The following BMP2K variants were observed in gnomAD, a reference collection of about 807,000 sequenced individuals.
The protein encoded by BMP2K is BMP-2-inducible protein kinase.
BMP2K carries 74 observed loss-of-function variants against 116.0 expected under a neutral mutation model. The ratio of observed to expected loss-of-function variants is 0.64; its 90% CI spans 0.53 to 0.77. The LOEUF is 0.77. BMP2K is among the 30% of genes least tolerant of loss of function. The pLI, the probability that BMP2K is intolerant of heterozygous loss-of-function variation, is 0.00. For synonymous variants in BMP2K, 486 were observed against 502.5 expected, an observed-to-expected ratio of 0.97 and a Z score of 0.44; for missense variants, 1,365 against 1,403.6, an observed-to-expected ratio of 0.97 and a Z score of 0.44.
At chr4:78,869,877 T>G (rs1560537366) in intron 10 of BMP2K, among the ~76,000 whole-genome samples, 1 of 152,194 alleles carries the variant, frequency 6.6e-6, no homozygotes, top group Admixed American at 6.5e-5. Flanking sequence ...GTTATAAAAC[T>G]ATTTTCATAA....
chr4:78,851,131 TAAATC>T (rs1449580027), intron 7 of BMP2K, 75 bp downstream of exon 7: 14 of 1,311,304 alleles, frequency 1.1e-5, no homozygotes, highest in Non-Finnish European at 1.3e-5. Context: ...TTCCTTTACT[TAAATC>T]TAGTCTTAAT....
In BMP2K at chr4:78,911,102, A is replaced by G. The variant is rs1734570954; in HGVS notation, c.2555A>G (p.Lys852Arg). The change falls in exon 16 of 16, where the codon AAA becomes AGA. Residue 852 changes from lysine to arginine, a missense_variant. Coordinates refer to ENST00000502613, the MANE Select transcript of BMP2K (RefSeq NM_198892.2). ...TCTGATGTTGCAGTGGAGACTCCCA[A>G]ACAGGAGTTTGATGTATTTGGCGCT... ...LSSDVAVETP[K>R]QEFDVFGAVP... The G allele has an allele frequency of 6.2e-7, 1 of 1,613,902 alleles. No homozygotes were observed. Among genetic ancestry groups the G allele is most frequent in the Admixed American group, 1.7e-5 (1 of 60,008 alleles).
intron 15 of BMP2K, among the ~76,000 whole-genome samples, chr4:78,893,781 T>C (rs1733564053): frequency 6.6e-6 from 1 of 152,148 alleles, no homozygotes; most frequent in Non-Finnish European, 1.5e-5. Context: ...CCCAGGTTCG[T>C]CTTGAACTCC....
In BMP2K at chr4:78,786,170, G is replaced by A. The variant is rs138070222; in HGVS notation, c.178+9449G>A. ...AACGCCCAAGGTGATGCTATTTAGT[G>A]ATGGGGCCCTTGGGAAATGATTGGG... On this transcript the variant is annotated intron_variant, in intron 1 of 15. Transcript: ENST00000502613. Among the ~76,000 whole-genome samples the A allele has an allele frequency of 3.4e-4, 51 of 152,234 alleles. No individual in the cohort carries two copies. The South Asian group carries it at 7.1e-3, about 21-fold the overall frequency.
At chr4:78,842,243 A>G in intron 3 of BMP2K, 142 bp from the exon 4 acceptor site, 1 of 589,182 alleles carries the variant, frequency 1.7e-6, no homozygotes, top group Non-Finnish European at 2.9e-6. Context: ...TTAATACAGT[A>G]TGATGTAATA....
intron 7 of BMP2K, among the ~76,000 whole-genome samples, chr4:78,856,918 G>GA (rs1025344604): frequency 3.9e-5 from 6 of 152,166 alleles, no homozygotes; most frequent in Middle Eastern, 3.4e-3. Context: ...TTGATGGGTG[G>GA]AGGTGCTTCA....
chr4:78,884,955 T>A (rs967240723), intron 14 of BMP2K, among the ~76,000 whole-genome samples: 5 of 152,212 alleles, frequency 3.3e-5, no homozygotes, highest in African/African-American at 1.2e-4. Flanking sequence ...TAAAAAGTTT[T>A]TAGTAAAATG....
chr4:78,852,388 A>G (rs1001399579), intron 7 of BMP2K, among the ~76,000 whole-genome samples: 2 of 152,106 alleles, frequency 1.3e-5, no homozygotes, highest in Non-Finnish European at 2.9e-5. Context: ...AGCTAGGCAA[A>G]AATAACAAAA....
chr4:78,883,980 G>A (rs1327681254), intron 14 of BMP2K, among the ~76,000 whole-genome samples: 1 of 152,158 alleles, frequency 6.6e-6, no homozygotes, highest in East Asian at 1.9e-4. Flanking sequence ...GGGAGGCAGA[G>A]GTTGCAGTGA....
intron 1 of BMP2K, among the ~76,000 whole-genome samples, chr4:78,779,259 A>G (rs1195148306): frequency 6.6e-6 from 1 of 152,212 alleles, no homozygotes; most frequent in Non-Finnish European, 1.5e-5. Flanking sequence ...TGCAGTTTAA[A>G]TACACCTTAT....
chr4:78,888,006 T>C (rs1355745962), intron 15 of BMP2K: 3 of 152,242 alleles, frequency 2.0e-5, no homozygotes, highest in African/African-American at 7.2e-5. Flanking sequence ...TCAGGCAAGT[T>C]ACATATGTAA....
intron 1 of BMP2K, among the ~76,000 whole-genome samples, chr4:78,791,502 G>T (rs1299269698): frequency 6.6e-6 from 1 of 151,810 alleles, no homozygotes; most frequent in Non-Finnish European, 1.5e-5. Context: ...GTACAGTTTA[G>T]TGGCATCAAG....
intron 15 of BMP2K, among the ~76,000 whole-genome samples, chr4:78,898,134 T>C (rs868865834): frequency 1.1e-4 from 17 of 152,130 alleles, no homozygotes; most frequent in Admixed American, 1.3e-4. Flanking sequence ...TCTAAGACAA[T>C]TCAGTATGTT....
At chr4:78,855,748 A>G (rs1420725135) in intron 7 of BMP2K, among the ~76,000 whole-genome samples, 4 of 152,264 alleles carry the variant, frequency 2.6e-5, no homozygotes, top group African/African-American at 7.2e-5. Context: ...CTGAAGCTCT[A>G]TTTTGTGTTC....
intron 3 of BMP2K, among the ~76,000 whole-genome samples, chr4:78,842,109 A>G (rs1730787302): frequency 6.6e-6 from 1 of 152,082 alleles, no homozygotes; most frequent in East Asian, 1.9e-4. Context: ...TAAAACCAGT[A>G]TTATAAGATA....
chr4:78,903,418 C>T (rs1366049317), intron 15 of BMP2K, among the ~76,000 whole-genome samples: 1 of 151,634 alleles, frequency 6.6e-6, no homozygotes, highest in East Asian at 1.9e-4. Context: ...TTCTTTGTAT[C>T]CCATACAATA....
At chr4:78,875,370 T>C (rs1732582189) in intron 13 of BMP2K, among the ~76,000 whole-genome samples, 1 of 152,178 alleles carries the variant, frequency 6.6e-6, no homozygotes, top group South Asian at 2.1e-4. Flanking sequence ...GGAATAATTA[T>C]TTCCTTTTCT....
chr4:78,863,727 C>T (rs1731906571), intron 9 of BMP2K, among the ~76,000 whole-genome samples: 1 of 152,096 alleles, frequency 6.6e-6, no homozygotes, highest in African/African-American at 2.4e-5. Flanking sequence ...TAACTTCAGT[C>T]GATTTTGTAT....
chr4:78,835,994 C>A (rs1174004668), intron 3 of BMP2K, among the ~76,000 whole-genome samples: 2 of 151,936 alleles, frequency 1.3e-5, no homozygotes, highest in Non-Finnish European at 2.9e-5. Flanking sequence ...GTTTATTTTC[C>A]CATTTAATGG....
Sources: gnomAD v4.1 joint callset for allele counts (sites outside exome capture counted in the v4.1 genomes callset) on GRCh38, gnomAD v4.1.1 for gene constraint, MANE v1.5 for transcripts, NCBI Gene and HGNC (gene_info 2026-07-23, HGNC 2026-07-21) for gene names.